Variants in TRIP4 observed in about 807,000 individuals in gnomAD.
TRIP4 encodes activating signal cointegrator 1.
TRIP4 carries 54 observed loss-of-function variants against 81.8 expected under a neutral mutation model. That is an observed-to-expected ratio of 0.66 (90% confidence interval 0.53 to 0.83). TRIP4 has a LOEUF of 0.83. TRIP4 is among the 40% of genes least tolerant of loss of function. The probability of loss-of-function intolerance (pLI) is 0.00; values close to 1 mark genes in which losing one functional copy is unlikely to be tolerated. For missense variants in TRIP4, 662 were observed against 683.6 expected (o/e 0.97, Z 0.35); for synonymous variants, 270 against 242.8 (o/e 1.11, Z -1.04).
At chr15:64,394,320 A>G (rs546420577) in intron 2 of TRIP4, among the ~76,000 whole-genome samples, 1 of 152,252 alleles carries the variant, frequency 6.6e-6, no homozygotes, top group South Asian at 2.1e-4. Context: ...AAATATCACA[A>G]AAAGGCCGGG....
intron 4 of TRIP4, 87 bp downstream of exon 4, chr15:64,397,905 G>GTT: frequency 7.1e-6 from 10 of 1,418,216 alleles, no homozygotes; most frequent in Admixed American, 2.3e-5. Context: ...CTCTTTTTTT[G>GTT]TTTTTTTTTG....
At chr15:64,402,884 G>T (rs1891542894) in intron 5 of TRIP4, among the ~76,000 whole-genome samples, 1 of 149,430 alleles carries the variant, frequency 6.7e-6, no homozygotes, top group Admixed American at 6.7e-5. Context: ...TTTTGAGATG[G>T]AGTCTCGCTC....
chr15:64,442,987 T>C (rs1892552001), intron 11 of TRIP4, among the ~76,000 whole-genome samples: 1 of 144,914 alleles, frequency 6.9e-6, no homozygotes, highest in African/African-American at 2.6e-5. Context: ...TAAGACTCCA[T>C]CTCAAAAAAA....
chr15:64,408,741 A>G (rs1421023474), intron 6 of TRIP4, among the ~76,000 whole-genome samples: 2 of 152,158 alleles, frequency 1.3e-5, no homozygotes, highest in Admixed American at 1.3e-4. Flanking sequence ...GGTTTATAAT[A>G]TGTAGAATTA....
chr15:64,394,242 A>G (rs1265021082), intron 2 of TRIP4, 127 bp downstream of exon 2: 30 of 764,532 alleles, frequency 3.9e-5, no homozygotes, highest in Non-Finnish European at 1.9e-6. Flanking sequence ...AGTCATATGT[A>G]TACATATTTT....
chr15:64,412,379 T>A (rs978232173), intron 7 of TRIP4, among the ~76,000 whole-genome samples: 1 of 152,146 alleles, frequency 6.6e-6, no homozygotes, highest in Non-Finnish European at 1.5e-5. Flanking sequence ...CCTCCTCCAT[T>A]CTTTGCATTT....
intron 12 of TRIP4, among the ~76,000 whole-genome samples, chr15:64,449,666 TTTGC>T (rs1892710421): frequency 6.6e-6 from 1 of 152,080 alleles, no homozygotes; most frequent in African/African-American, 2.4e-5. Flanking sequence ...TAAATTTGAG[TTTGC>T]TTGACCTTAA....
intron 7 of TRIP4, among the ~76,000 whole-genome samples, 172 bp downstream of exon 7, chr15:64,410,000 A>T (rs1891725065): frequency 6.6e-6 from 1 of 151,174 alleles, no homozygotes; most frequent in African/African-American, 2.4e-5. Context: ...CTCCTACCAG[A>T]TAATTACTGA....
chr15:64,408,249 A>ATTT (rs796182931), intron 6 of TRIP4, among the ~76,000 whole-genome samples: 4 of 42,498 alleles, frequency 9.4e-5, no homozygotes, highest in African/African-American at 2.5e-4. Flanking sequence ...AAGAAGACAA[A>ATTT]TTTTTTTTTT....
chr15:64,437,316 G>T (rs1683018050), intron 11 of TRIP4, among the ~76,000 whole-genome samples: 1 of 151,440 alleles, frequency 6.6e-6, no homozygotes, highest in African/African-American at 2.4e-5. Context: ...TACTCAGGAG[G>T]CTGAGGCAGG....
Position 64,387,874 on chromosome 15 carries a change from C to G in TRIP4, c.11C>G (p.Ala4Gly). Residue 4 changes from alanine to glycine, a missense_variant, in exon 1 of 13, where the codon GCT becomes GGT. Coordinates refer to ENST00000261884, the MANE Select transcript of TRIP4 (RefSeq NM_016213.5). ...TTCCGGCTGGGGAAGATGGCGGTGG[C>G]TGGGGCGGTGTCCGGGGAGCCGCTG... Reference protein sequence around the residue: MAVAGAVSGEPLVH... With the variant: MAVGGAVSGEPLVH... 6.5e-7 allele frequency: 1 copy of G among 1,546,696 alleles called. No homozygotes were observed. Among genetic ancestry groups the G allele is most frequent in the Non-Finnish European group, 8.7e-7 (1 of 1,146,664 alleles).
chr15:64,409,421 G>C (rs1566975825), intron 6 of TRIP4, among the ~76,000 whole-genome samples, 192 bp from the exon 7 acceptor site: 1 of 152,160 alleles, frequency 6.6e-6, no homozygotes, highest in Non-Finnish European at 1.5e-5. Context: ...GTATTATGGT[G>C]CTGTGTCTTT....
intron 12 of TRIP4, among the ~76,000 whole-genome samples, chr15:64,454,551 C>A (rs1176155172): frequency 6.6e-6 from 1 of 152,102 alleles, no homozygotes; most frequent in Non-Finnish European, 1.5e-5. Context: ...CCTATTAAGT[C>A]TGAGGCAGCA....
chr15:64,441,316 A>G (rs968037027), intron 11 of TRIP4, among the ~76,000 whole-genome samples: 6 of 151,906 alleles, frequency 3.9e-5, no homozygotes, highest in African/African-American at 1.5e-4. Context: ...GTTTTTATTC[A>G]ACAAGTATTT....
At chr15:64,430,352 C>G (rs1418493322) in intron 11 of TRIP4, among the ~76,000 whole-genome samples, 4 of 152,242 alleles carry the variant, frequency 2.6e-5, no homozygotes, top group African/African-American at 2.4e-5. Flanking sequence ...TAAAGCTTCT[C>G]CTGTGATTCC....
intron 4 of TRIP4, 86 bp downstream of exon 4, chr15:64,397,904 TG>T: frequency 1.4e-6 from 2 of 1,472,586 alleles, no homozygotes; most frequent in Non-Finnish European, 1.8e-6. Flanking sequence ...TCTCTTTTTT[TG>T]TTTTTTTTTG....
intron 2 of TRIP4, 28 bp from the exon 3 acceptor site, chr15:64,395,370 G>C: frequency 6.3e-7 from 1 of 1,586,924 alleles, no homozygotes; most frequent in South Asian, 1.1e-5. Context: ...CTGTGTGTGT[G>C]TGTATTTTTT....
intron 2 of TRIP4, among the ~76,000 whole-genome samples, chr15:64,394,694 A>T (rs906086415): frequency 3.3e-5 from 5 of 152,164 alleles, no homozygotes; most frequent in African/African-American, 1.2e-4. Flanking sequence ...AAATTTATAC[A>T]TAAAGAAACA....
chr15:64,390,593 A>G (rs1353964199), intron 1 of TRIP4, among the ~76,000 whole-genome samples: 1 of 152,162 alleles, frequency 6.6e-6, no homozygotes, highest in Non-Finnish European at 1.5e-5. Context: ...CACAGTATCA[A>G]GAAAATGCGT....
Sources: gnomAD v4.1 joint callset for allele counts (sites outside exome capture counted in the v4.1 genomes callset) on GRCh38, gnomAD v4.1.1 for gene constraint, MANE v1.5 for transcripts, NCBI Gene and HGNC (gene_info 2026-07-23, HGNC 2026-07-21) for gene names.